AFF3: variants seen among roughly 807,000 people sequenced by gnomAD.
AFF3 encodes the protein AF4/FMR2 family member 3.
A neutral mutation model predicts 129.7 loss-of-function variants in AFF3; 32 were observed. That is an observed-to-expected ratio of 0.25 (90% confidence interval 0.19 to 0.33). AFF3 has a LOEUF of 0.33. AFF3 is among the 10% of genes least tolerant of loss of function. The probability of loss-of-function intolerance (pLI) is 1.00; values close to 1 mark genes in which losing one functional copy is unlikely to be tolerated. For synonymous variants in AFF3, 644 were observed against 635.4 expected, an observed-to-expected ratio of 1.01 and a Z score of -0.20; for missense variants, 1,373 against 1,592.0, an observed-to-expected ratio of 0.86 and a Z score of 2.34.
chr2:99,918,753 G>A (rs567162226), intron 7 of AFF3, among the ~76,000 whole-genome samples: 25 of 152,280 alleles, frequency 1.6e-4, no homozygotes, highest in African/African-American at 6.0e-4. Context: ...AAACCCAGTA[G>A]AAGCAGCCTC....
intron 8 of AFF3, among the ~76,000 whole-genome samples, chr2:99,811,130 T>C (rs961182541): frequency 1.3e-5 from 2 of 152,212 alleles, no homozygotes; most frequent in Admixed American, 1.3e-4. Flanking sequence ...GCCTACCACA[T>C]GTGTGTCTGG....
chr2:100,014,944 C>T (rs1161554393), intron 4 of AFF3, among the ~76,000 whole-genome samples: 1 of 148,174 alleles, frequency 6.7e-6, no homozygotes, highest in Non-Finnish European at 1.5e-5. Flanking sequence ...CCACCACACC[C>T]AGCCAGCTAA....
At chr2:99,906,777 G>C (rs1490928625) in intron 7 of AFF3, among the ~76,000 whole-genome samples, 1 of 151,868 alleles carries the variant, frequency 6.6e-6, no homozygotes, top group East Asian at 1.9e-4. Flanking sequence ...GGACTTGCCT[G>C]CTAGCCCCAT....
chr2:99,800,719 A>G (rs765850498), intron 8 of AFF3, among the ~76,000 whole-genome samples: 3 of 152,254 alleles, frequency 2.0e-5, no homozygotes, highest in Non-Finnish European at 4.4e-5. Context: ...TGTTATGTCC[A>G]TACAATGGAA....
intron 4 of AFF3, among the ~76,000 whole-genome samples, chr2:100,033,308 T>C (rs1020644229): frequency 1.3e-5 from 2 of 152,130 alleles, no homozygotes; most frequent in African/African-American, 4.8e-5. Flanking sequence ...AAACTTTAGG[T>C]AAGAGGAAGC....
intron 7 of AFF3, among the ~76,000 whole-genome samples, chr2:99,894,422 T>C (rs1693784948): frequency 6.6e-6 from 1 of 151,868 alleles, no homozygotes; most frequent in Non-Finnish European, 1.5e-5. Context: ...TGTCTGGTAC[T>C]TCATCAGCAT....
chr2:99,726,937 A>T, intron 11 of AFF3, 140 bp downstream of exon 11: 1 of 771,656 alleles, frequency 1.3e-6, no homozygotes, highest in Non-Finnish European at 2.0e-6. Context: ...CAAAGCATTT[A>T]GAAAGACATT....
chr2:99,926,113 A>C (rs1696219977), intron 7 of AFF3, among the ~76,000 whole-genome samples: 1 of 152,274 alleles, frequency 6.6e-6, no homozygotes, highest in South Asian at 2.1e-4. Flanking sequence ...ATTTGCAGTC[A>C]TCAGTACTCA....
chr2:99,601,053 T>C (rs561594797), intron 14 of AFF3, among the ~76,000 whole-genome samples: 1 of 152,266 alleles, frequency 6.6e-6, no homozygotes, highest in South Asian at 2.1e-4. Context: ...TCCCTGTGAT[T>C]TATGGGTGGT....
intron 8 of AFF3, among the ~76,000 whole-genome samples, chr2:99,754,867 T>C (rs1400857323): frequency 6.6e-6 from 1 of 152,244 alleles, no homozygotes; most frequent in Admixed American, 6.5e-5. Context: ...GCACTGTAAC[T>C]GTGTCTTATG....
At chr2:99,667,583 A>T (rs1163723635) in intron 12 of AFF3, among the ~76,000 whole-genome samples, 2 of 152,226 alleles carry the variant, frequency 1.3e-5, no homozygotes, top group East Asian at 3.8e-4. Context: ...CTTTCAAAAG[A>T]TCAATACAGT....
intron 4 of AFF3, among the ~76,000 whole-genome samples, chr2:100,087,325 A>G (rs1023438830): frequency 3.4e-4 from 52 of 152,308 alleles, no homozygotes; most frequent in African/African-American, 1.3e-3. Flanking sequence ...TCTTATGAGC[A>G]TATTCACTGC....
At chr2:99,804,733 A>G (rs889928641) in intron 8 of AFF3, among the ~76,000 whole-genome samples, 1 of 152,210 alleles carries the variant, frequency 6.6e-6, no homozygotes, top group Non-Finnish European at 1.5e-5. Context: ...TATATACACC[A>G]CAGGATACTA....
chr2:100,085,843 A>C (rs1230087482), intron 4 of AFF3, among the ~76,000 whole-genome samples: 2 of 151,570 alleles, frequency 1.3e-5, no homozygotes, highest in Non-Finnish European at 2.9e-5. Context: ...TTACTTTTTC[A>C]CTGTCCCCAA....
intron 7 of AFF3, among the ~76,000 whole-genome samples, chr2:99,918,634 A>G (rs1255880789): frequency 6.6e-6 from 1 of 152,242 alleles, no homozygotes; most frequent in African/African-American, 2.4e-5. Context: ...GACCTAACGC[A>G]AATAGGTATT....
intron 7 of AFF3, among the ~76,000 whole-genome samples, chr2:99,945,473 G>A (rs1387644684): frequency 6.6e-6 from 1 of 152,126 alleles, no homozygotes; most frequent in Non-Finnish European, 1.5e-5. Context: ...CATCCCAGGG[G>A]CTCCCACCCT....
intron 2 of AFF3, chr2:100,106,020 C>A (rs1264410511): frequency 7.6e-7 from 1 of 1,321,042 alleles, no homozygotes; most frequent in Non-Finnish European, 1.0e-6. Context: ...GCCGAAGAGT[C>A]ATCCTCTCAC....
chr2:100,051,728 C>CTG (rs140707741), intron 4 of AFF3, among the ~76,000 whole-genome samples: 2 of 152,036 alleles, frequency 1.3e-5, no homozygotes, highest in South Asian at 2.1e-4. Flanking sequence ...ACAACATACA[C>CTG]TGTGTGTGTG....
chr2:99,634,497 GC>G (rs1683432983), intron 13 of AFF3, among the ~76,000 whole-genome samples: 1 of 152,182 alleles, frequency 6.6e-6, no homozygotes, highest in South Asian at 2.1e-4. Flanking sequence ...GAAGGCCGGT[GC>G]CCAGAGAAAC....
Sources: gnomAD v4.1 joint callset for allele counts (sites outside exome capture counted in the v4.1 genomes callset) on GRCh38, gnomAD v4.1.1 for gene constraint, MANE v1.5 for transcripts, NCBI Gene and HGNC (gene_info 2026-07-23, HGNC 2026-07-21) for gene names.